Variants in RNF17 observed in about 807,000 individuals in gnomAD.
The protein encoded by RNF17 is spermatogenesis associated 23.
RNF17 carries 31 observed loss-of-function variants against 200.5 expected under a neutral mutation model. The ratio of observed to expected loss-of-function variants is 0.15; its 90% CI spans 0.12 to 0.21. The LOEUF (loss-of-function observed/expected upper bound fraction) is 0.21. Among genes scored for constraint, RNF17 ranks in the 10% least tolerant of loss-of-function variants. RNF17 has a pLI of 1.00. For synonymous variants in RNF17, 606 were observed against 637.8 expected (o/e 0.95, Z 0.75); for missense variants, 1,628 against 1,905.1 (o/e 0.85, Z 2.71).
chr13:24,822,201 G>A (rs1398906830), intron 15 of RNF17, among the ~76,000 whole-genome samples: 3 of 152,124 alleles, frequency 2.0e-5, no homozygotes, highest in African/African-American at 7.2e-5. Flanking sequence ...ACCATCCTGT[G>A]TGCTTCTTAC....
chr13:24,809,591 G>T (rs999958377), intron 15 of RNF17, among the ~76,000 whole-genome samples: 1 of 151,908 alleles, frequency 6.6e-6, no homozygotes, highest in African/African-American at 2.4e-5. Context: ...CAAAAAACCA[G>T]CTCCTGGATT....
At chr13:24,757,384 C>T in the RNF17 span, among the ~76,000 whole-genome samples, 2 of 149,296 alleles carry the variant, frequency 1.3e-5, no homozygotes, top group South Asian at 4.2e-4. Context: ...AGTACAGTGG[C>T]GTGTTCTTGG....
intron 18 of RNF17, among the ~76,000 whole-genome samples, chr13:24,840,481 C>T (rs1890501406): frequency 6.6e-6 from 1 of 152,040 alleles, no homozygotes; most frequent in Admixed American, 6.6e-5. Context: ...ACCCAAATGC[C>T]CATCAATCAA....
intron 14 of RNF17, among the ~76,000 whole-genome samples, 158 bp from the exon 15 acceptor site, chr13:24,804,130 C>T (rs1247028555): frequency 6.6e-6 from 1 of 152,114 alleles, no homozygotes; most frequent in East Asian, 1.9e-4. Flanking sequence ...GGTGTGATGG[C>T]ATGCCCCTGT....
In RNF17 at chr13:24,802,259, G is replaced by A. The variant is rs527940757; in HGVS notation, c.1759-122G>A. The A allele has an allele frequency of 3.3e-4, 265 of 802,726 alleles. No homozygotes were observed. The Middle Eastern group carries it at 6.6e-3, about 20-fold the overall frequency. The allele number at this position is 802,726 out of a possible 1,614,324, so 49.7% of individuals were successfully genotyped here. A position where few individuals can be genotyped will look rare whatever the true frequency, so the allele number is the denominator to read the frequency against. ...CCGGCTGCCCTGGCTGTTTCCTAAT[G>A]TCTGCGGTTGGTTCAGTTTGTTCGC... On this transcript the variant is annotated intron_variant, in intron 13 of 35. Coordinates refer to ENST00000255324, the MANE Select transcript of RNF17 (RefSeq NM_031277.3).
chr13:24,834,539 G>T (rs1202877727), intron 18 of RNF17, among the ~76,000 whole-genome samples: 2 of 152,212 alleles, frequency 1.3e-5, no homozygotes, highest in Non-Finnish European at 2.9e-5. Context: ...GGGAAAGGGA[G>T]ACCCTCCTCT....
At chr13:24,809,432 G>T (rs1412107136) in intron 15 of RNF17, among the ~76,000 whole-genome samples, 1 of 152,198 alleles carries the variant, frequency 6.6e-6, no homozygotes, top group Non-Finnish European at 1.5e-5. Context: ...TTTGCATAGA[G>T]GTGTTTGTAG....
Position 24,830,272 on chromosome 13 carries a change from A to G in RNF17, c.2246-212A>G, listed in dbSNP as rs529428373. Among the ~76,000 whole-genome samples, 8 of 152,304 alleles carry G rather than the reference A, an allele frequency of 5.3e-5. No homozygotes were observed. In the South Asian group the frequency reaches 8.3e-4, roughly 16 times the overall value. On this transcript the variant is annotated intron_variant, in intron 16 of 35. Transcript: ENST00000255324. ...TCCTGATTTTGGCTATCCTTTGAAT[A>G]TTTAAAGCATACTAGTTTTTCATTC...
rs1243267774 is a variant in RNF17 at position 24,866,147 on chromosome 13, C to T, written c.4105C>T (p.Pro1369Ser). 1.3e-6 allele frequency: 2 copies of T among 1,503,644 alleles called. No homozygotes were observed. Among genetic ancestry groups the T allele is most frequent in the Non-Finnish European group, 1.8e-6 (2 of 1,084,900 alleles). The allele number at this position is 1,503,644 out of a possible 1,614,324, so 93.1% of individuals were successfully genotyped here. A position where few individuals can be genotyped will look rare whatever the true frequency, so the allele number is the denominator to read the frequency against. ...ACTCAATACCATATTATTTCAGAAA[C>T]CAAGATCAGATCATGATAAAAAGTA... ...EHTEEMLKEK[P>S]RSDHDKKYEE... is the part of the protein sequence containing the mutation. Residue 1369 changes from proline (P) to serine (S), a missense_variant, in exon 30 of 36, where the codon CCA becomes TCA. This residue lies in a region of RNF17 where 609 missense variants were observed against 681.9 expected (regional missense o/e 0.89). Transcript: ENST00000255324.
intron 24 of RNF17, among the ~76,000 whole-genome samples, chr13:24,853,406 G>A (rs969668134): frequency 2.2e-4 from 33 of 151,728 alleles, no homozygotes; most frequent in African/African-American, 6.3e-4. Flanking sequence ...TACCACTTAG[G>A]TAATATATGA....
chr13:24,882,693 TA>T (rs1255333579), downstream of RNF17: 2 of 158,654 alleles, frequency 1.3e-5, no homozygotes, highest in Admixed American at 1.2e-4. Flanking sequence ...CATTCTGTTA[TA>T]ATAATTAATG....
At chr13:24,771,681 G>T in intron 2 of RNF17, among the ~76,000 whole-genome samples, 1 of 147,496 alleles carries the variant, frequency 6.8e-6, no homozygotes, top group South Asian at 2.2e-4. Context: ...CTAACTCAAA[G>T]TTATATATAT....
At chr13:24,803,349 G>A (rs565385652) in intron 14 of RNF17, among the ~76,000 whole-genome samples, 2 of 152,196 alleles carry the variant, frequency 1.3e-5, no homozygotes, top group Non-Finnish European at 2.9e-5. Context: ...CCAGGCTAGA[G>A]TGCAGTAGCA....
At chr13:24,759,423 C>A (rs977433583), upstream of RNF17, among the ~76,000 whole-genome samples, 3 of 152,172 alleles carry the variant, frequency 2.0e-5, no homozygotes, top group African/African-American at 7.2e-5. Context: ...AAATTGCTAA[C>A]CACATACATA....
intron 24 of RNF17, 34 bp from the exon 25 acceptor site, chr13:24,853,821 T>A: frequency 6.8e-7 from 1 of 1,465,598 alleles, no homozygotes; most frequent in Non-Finnish European, 9.2e-7. Flanking sequence ...TATATTTGCT[T>A]ATGTTTAGAT....
chr13:24,833,604 G>A (rs1889661712), intron 18 of RNF17, among the ~76,000 whole-genome samples: 1 of 152,150 alleles, frequency 6.6e-6, no homozygotes, highest in South Asian at 2.1e-4. Flanking sequence ...TTTCTTTCTT[G>A]ATTCCTCTTC....
intron 22 of RNF17, among the ~76,000 whole-genome samples, chr13:24,849,557 T>G (rs151112898): frequency 1.3e-5 from 2 of 152,376 alleles, no homozygotes; most frequent in Non-Finnish European, 2.9e-5. Flanking sequence ...TGGACACCTC[T>G]GCAGTCACTC....
intron 15 of RNF17, among the ~76,000 whole-genome samples, chr13:24,817,535 A>C (rs1355774329): frequency 6.6e-6 from 1 of 152,062 alleles, no homozygotes; most frequent in Non-Finnish European, 1.5e-5. Flanking sequence ...CCTGGCCAAC[A>C]TGTCAAAACC....
chr13:24,799,471 G>A lies in RNF17; in HGVS notation c.1476G>A (p.Glu492=). The change falls in exon 12 of 36, where the codon GAG becomes GAA. Residue 492 remains glutamate (E), a synonymous_variant. Coordinates refer to ENST00000255324, the MANE Select transcript of RNF17 (RefSeq NM_031277.3). ...CTATCACAGAATTAATTCCAATAGA[G>A]GGTAGAAATACCAGAAAACCTTGTA... ...RGTITELIPI[E]GRNTRKPCSP... The A allele has an allele frequency of 1.2e-6, 2 of 1,609,746 alleles. No individual in the cohort carries two copies. The highest frequency in any genetic ancestry group is 2.2e-5 in the South Asian group (2 of 90,900).
Sources: gnomAD v4.1 joint callset for allele counts (sites outside exome capture counted in the v4.1 genomes callset) on GRCh38, gnomAD v4.1.1 for gene constraint, gnomAD v4.1.1 regional missense constraint, MANE v1.5 for transcripts, NCBI Gene and HGNC (gene_info 2026-07-23, HGNC 2026-07-21) for gene names.